ARMH3: variants seen among roughly 807,000 people sequenced by gnomAD.
ARMH3 encodes the protein armadillo like helical domain containing 3, also known as armadillo-like helical domain-containing protein 3.
Under a neutral mutation model 99.1 loss-of-function variants are expected in ARMH3, and 60 were observed. That is an observed-to-expected ratio of 0.61 (90% confidence interval 0.49 to 0.75). ARMH3 has a LOEUF of 0.75. Ranked by LOEUF, ARMH3 falls within the 30% of genes least tolerant of loss-of-function variation. The pLI, the probability that ARMH3 is intolerant of heterozygous loss-of-function variation, is 0.00. For missense variants in ARMH3, 679 were observed against 843.1 expected, an observed-to-expected ratio of 0.81 and a Z score of 2.41; for synonymous variants, 285 against 292.8, an observed-to-expected ratio of 0.97 and a Z score of 0.27.
At chr10:101,996,858 A>C (rs1301624237) in intron 15 of ARMH3, among the ~76,000 whole-genome samples, 1 of 152,212 alleles carries the variant, frequency 6.6e-6, no homozygotes, top group Non-Finnish European at 1.5e-5. Context: ...CATGGTTTTT[A>C]CAATTTTTTG....
chr10:101,893,270 T>C (rs1250768484), intron 23 of ARMH3, among the ~76,000 whole-genome samples: 1 of 152,210 alleles, frequency 6.6e-6, no homozygotes, highest in East Asian at 1.9e-4. Context: ...AATCTACCAT[T>C]AGACCACAGG....
intron 1 of ARMH3, among the ~76,000 whole-genome samples, chr10:102,053,347 T>G (rs1188659415): frequency 6.6e-6 from 1 of 152,132 alleles, no homozygotes; most frequent in Non-Finnish European, 1.5e-5. Context: ...AAAATAATTT[T>G]TTTTCCTCTC....
At chr10:102,017,033 G>A (rs1276023437) in intron 8 of ARMH3, among the ~76,000 whole-genome samples, 1 of 152,046 alleles carries the variant, frequency 6.6e-6, no homozygotes, top group Non-Finnish European at 1.5e-5. Flanking sequence ...GTGCTTAGTT[G>A]GGTACCCAAC....
intron 24 of ARMH3, 29 bp from the exon 25 acceptor site, chr10:101,849,921 T>C: frequency 6.3e-7 from 1 of 1,598,648 alleles, no homozygotes; most frequent in Non-Finnish European, 8.6e-7. Flanking sequence ...CAGGCAGGGC[T>C]TAGGCCATGC....
chr10:101,943,780 A>G (rs1844345996), intron 22 of ARMH3, among the ~76,000 whole-genome samples: 1 of 152,088 alleles, frequency 6.6e-6, no homozygotes, highest in African/African-American at 2.4e-5. Flanking sequence ...AATAGCAATT[A>G]GAGGCCAGGC....
intron 20 of ARMH3, among the ~76,000 whole-genome samples, chr10:101,963,851 G>A (rs555638668): frequency 2.7e-5 from 4 of 149,432 alleles, no homozygotes; most frequent in Admixed American, 6.7e-5. Flanking sequence ...TTTCCCTTTC[G>A]TTAAAGTAGG....
chr10:102,051,080 G>C (rs1282693327), intron 1 of ARMH3, among the ~76,000 whole-genome samples: 1 of 146,572 alleles, frequency 6.8e-6, no homozygotes, highest in East Asian at 2.0e-4. Flanking sequence ...CTTGAACCCG[G>C]GAGAGGGAGG....
chr10:102,023,224 A>G (rs1194947458), intron 8 of ARMH3, among the ~76,000 whole-genome samples: 1 of 152,096 alleles, frequency 6.6e-6, no homozygotes, highest in Non-Finnish European at 1.5e-5. Context: ...TGATTCTAAT[A>G]AGCTGGTATG....
intron 23 of ARMH3, among the ~76,000 whole-genome samples, chr10:101,911,267 C>G (rs1352846401): frequency 6.6e-6 from 1 of 152,138 alleles, no homozygotes. Context: ...TCAATGGGTG[C>G]CAGGCTGCAA....
chr10:102,030,990 G>A (rs1002564697), intron 4 of ARMH3, among the ~76,000 whole-genome samples: 8 of 151,522 alleles, frequency 5.3e-5, no homozygotes, highest in Non-Finnish European at 1.2e-4. Context: ...TTTTCATCAT[G>A]TTGGCCAGGC....
chr10:101,915,390 T>C (rs1205580014), intron 23 of ARMH3, among the ~76,000 whole-genome samples: 1 of 152,092 alleles, frequency 6.6e-6, no homozygotes, highest in African/African-American at 2.4e-5. Flanking sequence ...CTGCTCAGAG[T>C]AGTCAGCAGT....
intron 9 of ARMH3, among the ~76,000 whole-genome samples, chr10:102,013,449 A>ATAGGG (rs887486904): frequency 1.3e-5 from 2 of 152,230 alleles, no homozygotes; most frequent in Non-Finnish European, 2.9e-5. Flanking sequence ...GAAAGAAGGA[A>ATAGGG]TAGGGTATGA....
chr10:102,024,217 G>A (rs914442207), intron 6 of ARMH3, among the ~76,000 whole-genome samples: 1 of 151,644 alleles, frequency 6.6e-6, no homozygotes, highest in African/African-American at 2.4e-5. Context: ...TAGGGAGGCT[G>A]AAGTGGGTGG....
At chr10:101,867,974 AT>A (rs2067043258) in intron 24 of ARMH3, among the ~76,000 whole-genome samples, 2 of 151,462 alleles carry the variant, frequency 1.3e-5, no homozygotes, top group African/African-American at 4.8e-5. Flanking sequence ...CCCTGTTTCT[AT>A]TAAAAAAAAA....
chr10:102,010,079 T>C, intron 11 of ARMH3, 56 bp from the exon 12 acceptor site: 1 of 1,535,600 alleles, frequency 6.5e-7, no homozygotes, highest in South Asian at 1.1e-5. Flanking sequence ...AGAGGAGCTT[T>C]ATGCCTAGGA....
At chr10:101,934,251 C>T (rs751558243) in intron 23 of ARMH3, among the ~76,000 whole-genome samples, 10 of 152,128 alleles carry the variant, frequency 6.6e-5, no homozygotes, top group Non-Finnish European at 1.3e-4. Context: ...TGCACATGTG[C>T]GCACCCATGT....
chr10:101,928,591 C>T (rs1843595745), intron 23 of ARMH3, among the ~76,000 whole-genome samples: 1 of 152,194 alleles, frequency 6.6e-6, no homozygotes, highest in South Asian at 2.1e-4. Flanking sequence ...ATCACTTGAG[C>T]CCCAGAGTTT....
At chr10:101,924,257 G>A (rs550142272) in intron 23 of ARMH3, among the ~76,000 whole-genome samples, 3 of 152,206 alleles carry the variant, frequency 2.0e-5, no homozygotes, top group African/African-American at 7.2e-5. Context: ...AAAGCGAACT[G>A]TAGATGTTCA....
At chr10:101,981,506 G>A (rs1247633744) in intron 19 of ARMH3, among the ~76,000 whole-genome samples, 1 of 152,210 alleles carries the variant, frequency 6.6e-6, no homozygotes, top group Non-Finnish European at 1.5e-5. Flanking sequence ...AAGGATACAA[G>A]TGAATTGAAC....
Sources: allele counts gnomAD v4.1 joint callset (sites outside exome capture counted in the v4.1 genomes callset), GRCh38; gene constraint gnomAD v4.1.1; transcripts MANE v1.5; gene names NCBI Gene and HGNC (gene_info 2026-07-23, HGNC 2026-07-21).